Variants in LRRK1 observed in about 807,000 individuals in gnomAD.
LRRK1 encodes the protein leucine-rich repeat serine/threonine-protein kinase 1.
LRRK1 carries 113 observed loss-of-function variants against 209.1 expected under a neutral mutation model. The ratio of observed to expected loss-of-function variants is 0.54; its 90% confidence interval spans 0.46 to 0.63. The LOEUF is 0.63. LRRK1 is among the 30% of genes least tolerant of loss of function. LRRK1 has a pLI of 0.00. For missense variants in LRRK1, 2,284 were observed against 2,632.2 expected, an observed-to-expected ratio of 0.87 and a Z score of 2.89; for synonymous variants, 1,144 against 1,099.7, an observed-to-expected ratio of 1.04 and a Z score of -0.80.
intron 26 of LRRK1, among the ~76,000 whole-genome samples, chr15:101,054,466 T>A (rs1475795240): frequency 6.6e-6 from 1 of 152,234 alleles, no homozygotes; most frequent in Non-Finnish European, 1.5e-5. Context: ...CCATTCTCTG[T>A]CCTTTATGGC....
chr15:101,051,533 C>T (rs1567268678), intron 23 of LRRK1, among the ~76,000 whole-genome samples, 178 bp from the exon 24 acceptor site: 2 of 152,232 alleles, frequency 1.3e-5, no homozygotes, highest in African/African-American at 4.8e-5. Context: ...CAAACAATTG[C>T]GCTCTCCAAA....
chr15:100,964,382 G>A (rs576514520), intron 2 of LRRK1, among the ~76,000 whole-genome samples: 1 of 152,168 alleles, frequency 6.6e-6, no homozygotes, highest in Non-Finnish European at 1.5e-5. Context: ...GAAAAAAGAA[G>A]CATCCTTCCA....
intron 2 of LRRK1, among the ~76,000 whole-genome samples, chr15:100,971,225 TC>T (rs1222657718): frequency 6.6e-6 from 1 of 150,868 alleles, no homozygotes; most frequent in East Asian, 1.9e-4. Context: ...TCCCAGCTAC[TC>T]AGGAGGTTGA....
intron 2 of LRRK1, among the ~76,000 whole-genome samples, chr15:100,958,797 G>C (rs947739218): frequency 6.6e-6 from 1 of 152,076 alleles, no homozygotes. Flanking sequence ...AAATGTGCAG[G>C]GCCTGGAGGT....
At chr15:100,932,997 C>A (rs1426122678) in intron 2 of LRRK1, among the ~76,000 whole-genome samples, 5 of 152,186 alleles carry the variant, frequency 3.3e-5, no homozygotes, top group Admixed American at 2.0e-4. Context: ...TCCCTGCTAC[C>A]TCCATCGGCC....
In LRRK1 at chr15:101,053,266, C is replaced by A; in HGVS notation, c.3900C>A (p.Asn1300Lys). ...RHLRATDAMK[N>K]FSEFRQEASM... is the part of the protein sequence containing the mutation. Reference sequence around the variant, plus strand: ...TGCGGGCCACCGATGCCATGAAGAACTTCTCCGAGTTCCGGCAGGAGGCCA... The same window carrying A: ...TGCGGGCCACCGATGCCATGAAGAAATTCTCCGAGTTCCGGCAGGAGGCCA... The change falls in exon 26 of 34, where the codon AAC becomes AAA. Residue 1300 changes from asparagine (N) to lysine (K), a missense_variant. Transcript: ENST00000388948. 2.5e-6 allele frequency: 4 copies of A among 1,607,036 alleles called. No individual in the cohort carries two copies. Among genetic ancestry groups the A allele is most frequent in the Non-Finnish European group, 3.4e-6 (4 of 1,179,970 alleles).
rs148424154 is a variant in LRRK1 at position 100,928,000 on chromosome 15, C to G, written c.97+3271C>G. Among the ~76,000 whole-genome samples, 286 of 152,358 alleles carry G rather than the reference C, an allele frequency of 1.9e-3. 1 individual carries two copies. The highest frequency in any genetic ancestry group is 6.6e-3 in the African/African-American group (275 of 41,580). ...CTACAGCCAAGGAGCAGGTAATGCT[C>G]AAAGGGTGGCGTGTGGCCACGTCTG... On this transcript the variant is annotated intron_variant, in intron 2 of 33. Transcript: ENST00000388948.
intron 20 of LRRK1, among the ~76,000 whole-genome samples, chr15:101,032,458 A>G (rs1170023135): frequency 7.7e-6 from 1 of 129,114 alleles, no homozygotes; most frequent in African/African-American, 3.0e-5. Flanking sequence ...GTTCTTTCTC[A>G]GATATATGAT....
chr15:101,021,130 G>T lies in LRRK1; in HGVS notation c.1687G>T (p.Val563Phe), dbSNP rs766339820. ...CCTGAACGACAACCACCTCGACACA[G>T]TCCCTCCCTCGGTTTGCCTACTGAA... ...LCLNDNHLDT[V>F]PPSVCLLKSL... The change falls in exon 13 of 34, where the codon GTC becomes TTC. Residue 563 changes from valine to phenylalanine, a missense_variant. Physicochemically the swap from Val to Phe is conservative, Grantham distance 50. This residue lies in a region of LRRK1 where 494 missense variants were observed against 522.1 expected (regional missense o/e 0.95). Transcript: ENST00000388948. The T allele has an allele frequency of 4.3e-6, 7 of 1,614,040 alleles. No homozygotes were observed. The highest frequency in any genetic ancestry group is 5.1e-6 in the Non-Finnish European group (6 of 1,180,008).
chr15:101,002,083 G>A (rs2032722064), intron 6 of LRRK1, among the ~76,000 whole-genome samples: 1 of 152,228 alleles, frequency 6.6e-6, no homozygotes. Context: ...AAGCTTTGTA[G>A]ATGCCAGCTC....
chr15:101,021,565 A>T (rs1033905985), intron 13 of LRRK1: 2 of 505,860 alleles, frequency 4.0e-6, no homozygotes, highest in Non-Finnish European at 7.0e-6. Flanking sequence ...AGAGGTAGTG[A>T]TCATCTTTAT....
chr15:100,977,701 C>A (rs1234239437), intron 3 of LRRK1, among the ~76,000 whole-genome samples: 1 of 152,220 alleles, frequency 6.6e-6, no homozygotes, highest in Non-Finnish European at 1.5e-5. Context: ...CACCAGGCAG[C>A]AATGAAGGGG....
intron 13 of LRRK1, chr15:101,021,567 C>G (rs1344294353): frequency 1.4e-5 from 7 of 502,056 alleles, no homozygotes; most frequent in Non-Finnish European, 3.5e-6. Flanking sequence ...AGGTAGTGAT[C>G]ATCTTTATGG....
chr15:101,054,103 C>T (rs1233182557), intron 26 of LRRK1, among the ~76,000 whole-genome samples: 1 of 152,100 alleles, frequency 6.6e-6, no homozygotes, highest in Non-Finnish European at 1.5e-5. Flanking sequence ...CGCAACTTCC[C>T]GAGTAGCTAC....
In LRRK1 at chr15:101,008,631, G is replaced by A. The variant is rs376425313; in HGVS notation, c.763-206G>A. ...GCTGTGCACAGATTGCCTGTGAGACGCAGGTGCCGATGGGAACAGGTAGCT... is the reference window on the plus strand; with the variant it reads ...GCTGTGCACAGATTGCCTGTGAGACACAGGTGCCGATGGGAACAGGTAGCT... On this transcript the variant is annotated intron_variant, in intron 6 of 33. Coordinates refer to ENST00000388948, the MANE Select transcript of LRRK1 (RefSeq NM_024652.6). Among the ~76,000 whole-genome samples, 6 of 152,340 alleles carry A rather than the reference G, an allele frequency of 3.9e-5. No individual in the cohort carries two copies. In the South Asian group the frequency reaches 8.3e-4, roughly 21 times the overall value.
At chr15:100,921,705 G>A (rs189208150) in intron 1 of LRRK1, among the ~76,000 whole-genome samples, 217 of 152,306 alleles carry the variant, frequency 1.4e-3, no homozygotes, top group Non-Finnish European at 2.5e-3. Flanking sequence ...GACATTTGTA[G>A]AATGAATGAC....
In LRRK1 at chr15:101,046,130, G is replaced by T. The variant is rs538312065; in HGVS notation, c.3113G>T (p.Ser1038Ile). 12 of 1,614,254 alleles carry T rather than the reference G, an allele frequency of 7.4e-6. No individual in the cohort carries two copies. In the African/African-American group the frequency reaches 1.3e-4, roughly 18 times the overall value. ...WQRFIARMLISLAEMDLQLFE... is the reference protein window; with the variant it reads ...WQRFIARMLIILAEMDLQLFE... ...AGGTTTATAGCACGGATGCTGATCA[G>T]CCTGGCGGAGATGGACCTGCAGGTA... The change falls in exon 21 of 34, where the codon AGC (serine) becomes ATC (isoleucine). Residue 1038 changes from serine (S) to isoleucine (I), a missense_variant. Transcript: ENST00000388948.
At chr15:101,066,576 C>T in intron 32 of LRRK1, 64 bp from the exon 33 acceptor site, 1 of 1,481,716 alleles carries the variant, frequency 6.7e-7, no homozygotes. Context: ...TGCACACCGG[C>T]TTCACTCCCC....
rs1423963246 is a variant in LRRK1 at position 100,972,357 on chromosome 15, A to T, written c.98-1447A>T. Among the ~76,000 whole-genome samples the T allele has an allele frequency of 1.1e-3, 108 of 95,960 alleles. 2 individuals are homozygous for T. Among genetic ancestry groups the T allele is most frequent in the African/African-American group, 4.2e-3 (103 of 24,768 alleles). 63.0% of individuals were successfully genotyped at this position (95,960 alleles called of 152,430 possible). A position where few individuals can be genotyped will look rare whatever the true frequency, so the allele number is the denominator to read the frequency against. On this transcript the variant is annotated intron_variant, in intron 2 of 33. Transcript: ENST00000388948. ...ATATGAGAGAGAGAGAGAGAGAGAG[A>T]GAGAGAGTGTGTGTGTGTGTGTGTG... is the stretch of plus-strand genomic sequence containing the variant.
Sources: allele counts gnomAD v4.1 joint callset (sites outside exome capture counted in the v4.1 genomes callset), GRCh38; gene constraint gnomAD v4.1.1; regional missense constraint gnomAD v4.1.1; transcripts MANE v1.5; gene names NCBI Gene and HGNC (gene_info 2026-07-23, HGNC 2026-07-21).